BRD4: variants seen among roughly 807,000 people sequenced by gnomAD.
BRD4 encodes the protein bromodomain containing 4, also known as bromodomain-containing protein 4.
Under a neutral mutation model 142.1 loss-of-function variants are expected in BRD4, and 16 were observed. That is an observed-to-expected ratio of 0.11 (90% CI 0.08 to 0.17). The LOEUF is 0.17. Among genes scored for constraint, BRD4 ranks in the 10% least tolerant of loss-of-function variants. BRD4 has a pLI of 1.00. For missense variants in BRD4, 1,424 were observed against 1,810.9 expected (o/e 0.79, Z 3.88); for synonymous variants, 833 against 707.5 (o/e 1.18, Z -2.82).
chr19:15,259,784 C>T (rs769237356), intron 7 of BRD4, among the ~76,000 whole-genome samples: 3 of 152,214 alleles, frequency 2.0e-5, no homozygotes, highest in Non-Finnish European at 4.4e-5. Flanking sequence ...GTTCAAGGAG[C>T]TCAGTCTAGC....
At chr19:15,271,419 G>A (rs1295351409) in intron 2 of BRD4, among the ~76,000 whole-genome samples, 1 of 152,128 alleles carries the variant, frequency 6.6e-6, no homozygotes, top group Non-Finnish European at 1.5e-5. Context: ...TGATCAGGTC[G>A]GAATCCTCAT....
intron 11 of BRD4, among the ~76,000 whole-genome samples, chr19:15,251,421 A>G (rs1017866090): frequency 1.6e-5 from 2 of 122,332 alleles, no homozygotes; most frequent in Non-Finnish European, 3.3e-5. Context: ...GCTCCAATCC[A>G]AATGGAAACA....
At chr19:15,319,691 G>A (rs1162151843) in intron 1 of BRD4, among the ~76,000 whole-genome samples, 1 of 152,164 alleles carries the variant, frequency 6.6e-6, no homozygotes, top group African/African-American at 2.4e-5. Flanking sequence ...CAGCACTTTA[G>A]GAGGCCTAAG....
intron 1 of BRD4, among the ~76,000 whole-genome samples, chr19:15,301,266 C>G (rs181020139): frequency 1.2e-3 from 176 of 152,308 alleles, no homozygotes; most frequent in South Asian, 5.6e-3. Flanking sequence ...GAAAACAGAT[C>G]AATCGTTGCT....
intron 1 of BRD4, among the ~76,000 whole-genome samples, chr19:15,296,424 T>A (rs1034319829): frequency 6.6e-6 from 1 of 152,172 alleles, no homozygotes; most frequent in African/African-American, 2.4e-5. Flanking sequence ...CAAGTGCATA[T>A]TGGCATGGAT....
chr19:15,253,626 G>A (rs2145562683), intron 11 of BRD4: 2 of 1,596,326 alleles, frequency 1.3e-6, no homozygotes, highest in Non-Finnish European at 1.7e-6. Context: ...CCCAGGTGAT[G>A]GCAGGGCCAG....
At chr19:15,305,690 G>C (rs1027803936) in intron 1 of BRD4, among the ~76,000 whole-genome samples, 1 of 152,210 alleles carries the variant, frequency 6.6e-6, no homozygotes, top group African/African-American at 2.4e-5. Context: ...CTAATGAGCA[G>C]TAGCTTCAAC....
chr19:15,254,886 G>A (rs542443876), intron 10 of BRD4, among the ~76,000 whole-genome samples: 5 of 152,192 alleles, frequency 3.3e-5, no homozygotes, highest in South Asian at 2.1e-4. Context: ...ATGCCACACC[G>A]AACTGTCCCT....
At chr19:15,330,830 T>C (rs2048150483) in intron 1 of BRD4, among the ~76,000 whole-genome samples, 1 of 152,152 alleles carries the variant, frequency 6.6e-6, no homozygotes, top group Non-Finnish European at 1.5e-5. Context: ...TTTCTTGAAA[T>C]TAAAAACACA....
intron 1 of BRD4, among the ~76,000 whole-genome samples, chr19:15,312,426 G>A (rs2047979522): frequency 6.6e-6 from 1 of 152,180 alleles, no homozygotes; most frequent in African/African-American, 2.4e-5. Flanking sequence ...CTGAGATCAG[G>A]AGTTCAAGAC....
intron 1 of BRD4, among the ~76,000 whole-genome samples, chr19:15,276,342 C>T (rs780120779): frequency 3.3e-5 from 5 of 152,128 alleles, no homozygotes; most frequent in African/African-American, 9.7e-5. Flanking sequence ...CCTCCTTGGG[C>T]GAATTCTTCC....
chr19:15,284,777 C>A (rs8111848), intron 1 of BRD4, among the ~76,000 whole-genome samples: 1 of 152,156 alleles, frequency 6.6e-6, no homozygotes, highest in African/African-American at 2.4e-5. Flanking sequence ...TATAAAGGAG[C>A]AGAATAAAAT....
chr19:15,314,563 T>C (rs979403818), intron 1 of BRD4, among the ~76,000 whole-genome samples: 9 of 152,162 alleles, frequency 5.9e-5, no homozygotes, highest in Admixed American at 1.3e-4. Context: ...CCCCCAAGTC[T>C]GGTCTAGATC....
intron 4 of BRD4, among the ~76,000 whole-genome samples, chr19:15,266,188 T>C (rs913447327): frequency 2.6e-5 from 4 of 152,094 alleles, no homozygotes; most frequent in African/African-American, 9.7e-5. Context: ...GAACACACAA[T>C]GGTCACGTGG....
At chr19:15,244,146 T>C (rs2047263308) in intron 13 of BRD4, 85 bp downstream of exon 13, 1 of 1,533,130 alleles carries the variant, frequency 6.5e-7, no homozygotes. Flanking sequence ...GCTAAGAAGC[T>C]GCCCAGCCAG....
At chr19:15,245,866 G>A (rs1336587785) in intron 11 of BRD4, among the ~76,000 whole-genome samples, 3 of 152,200 alleles carry the variant, frequency 2.0e-5, no homozygotes, top group African/African-American at 7.2e-5. Flanking sequence ...TCTTGCTGCT[G>A]GTGTTGGAGG....
At position 15,238,764 on chromosome 19, in the gene BRD4, C is replaced by T. The variant is rs764840421; in HGVS notation, c.3999G>A (p.Gln1333=). Residue 1333 remains glutamine (Q), a synonymous_variant, in exon 19 of 20, where the codon CAG becomes CAA. Coordinates refer to ENST00000679869, the MANE Select transcript of BRD4 (RefSeq NM_001379291.1). The surrounding 1 kb of genome is among the most constrained non-coding windows in gnomAD (Gnocchi z 7.2). ...TCACGGCTTCCCGGCGTCTTCGCTC[C>T]TGCTCCCGCTTCCGGGCCAACTCCC... ...QQRELARKRE[Q]ERRRREAMAA... The T allele has an allele frequency of 2.6e-6, 4 of 1,564,956 alleles. No homozygotes were observed. Among genetic ancestry groups the T allele is most frequent in the South Asian group, 2.3e-5 (2 of 85,226 alleles).
At chr19:15,272,419 G>A (rs530721456) in intron 2 of BRD4, among the ~76,000 whole-genome samples, 21 of 152,132 alleles carry the variant, frequency 1.4e-4, no homozygotes, top group Non-Finnish European at 2.1e-4. Flanking sequence ...TTCCCCTCTA[G>A]CATAGTTTGA....
chr19:15,331,575 G>A (rs1042482982), intron 1 of BRD4, among the ~76,000 whole-genome samples: 1 of 152,192 alleles, frequency 6.6e-6, no homozygotes, highest in Admixed American at 6.5e-5. Flanking sequence ...CCGCCCTGAG[G>A]CCTGGCCTCA....
Sources: gnomAD v4.1 joint callset for allele counts (sites outside exome capture counted in the v4.1 genomes callset) on GRCh38, gnomAD v4.1.1 for gene constraint, Gnocchi (gnomAD v3.1) non-coding constraint, MANE v1.5 for transcripts, NCBI Gene and HGNC (gene_info 2026-07-23, HGNC 2026-07-21) for gene names.